CSMD1: variants seen among roughly 807,000 people sequenced by gnomAD.
CSMD1 encodes CUB and sushi domain-containing protein 1.
CSMD1 carries 213 observed loss-of-function variants against 417.5 expected under a neutral mutation model. The ratio of observed to expected loss-of-function variants is 0.51; its 90% CI spans 0.46 to 0.57. CSMD1 has a LOEUF of 0.57. CSMD1 is among the 20% of genes least tolerant of loss of function. The pLI is 0.00. For synonymous variants in CSMD1, 2,862 were observed against 1,736.8 expected, an observed-to-expected ratio of 1.65 and a Z score of -16.11; for missense variants, 6,923 against 4,529.7, an observed-to-expected ratio of 1.53 and a Z score of -15.17.
At chr8:4,181,109 C>T (rs1315872354) in intron 3 of CSMD1, among the ~76,000 whole-genome samples, 2 of 152,106 alleles carry the variant, frequency 1.3e-5, no homozygotes, top group African/African-American at 2.4e-5. Context: ...ACATGATTGA[C>T]CAGCCAATTC....
intron 3 of CSMD1, among the ~76,000 whole-genome samples, chr8:4,102,404 G>A (rs902956272): frequency 6.6e-6 from 1 of 152,152 alleles, no homozygotes; most frequent in Non-Finnish European, 1.5e-5. Flanking sequence ...TAACCCCTCT[G>A]GAGAATATTC....
chr8:4,348,389 T>C (rs543552205), intron 3 of CSMD1, among the ~76,000 whole-genome samples: 25 of 152,170 alleles, frequency 1.6e-4, no homozygotes, highest in Admixed American at 1.3e-3. Context: ...TTAAAGAACG[T>C]TGCAGGTCAC....
At chr8:3,041,621 G>A (rs986238529) in intron 50 of CSMD1, among the ~76,000 whole-genome samples, 2 of 152,196 alleles carry the variant, frequency 1.3e-5, no homozygotes, top group Admixed American at 1.3e-4. Flanking sequence ...CTGTAGAAAT[G>A]TGAATTTTAA....
At chr8:4,283,128 A>AT (rs1176750892) in intron 3 of CSMD1, among the ~76,000 whole-genome samples, 1 of 152,232 alleles carries the variant, frequency 6.6e-6, no homozygotes, top group Non-Finnish European at 1.5e-5. Context: ...GTAATCATGG[A>AT]TAAAAACACT....
At chr8:3,509,614 G>C (rs941311491) in intron 10 of CSMD1, among the ~76,000 whole-genome samples, 11 of 152,152 alleles carry the variant, frequency 7.2e-5, no homozygotes, top group Admixed American at 2.6e-4. Context: ...GGATATAACA[G>C]ATCTAATCTG....
chr8:4,660,239 C>A (rs74928983), intron 1 of CSMD1, among the ~76,000 whole-genome samples: 6,813 of 151,914 alleles, frequency 0.045, 500 homozygotes, highest in African/African-American at 0.15. Flanking sequence ...CCAAGAAATT[C>A]CCATAACCAG....
At chr8:4,026,965 G>A (rs1027256663) in intron 4 of CSMD1, among the ~76,000 whole-genome samples, 1 of 152,184 alleles carries the variant, frequency 6.6e-6, no homozygotes, top group African/African-American at 2.4e-5. Flanking sequence ...CTACTTTGCA[G>A]TGTTTGCCAA....
chr8:3,068,288 C>T (rs1813082154), intron 49 of CSMD1, among the ~76,000 whole-genome samples: 1 of 152,046 alleles, frequency 6.6e-6, no homozygotes. Flanking sequence ...ATCCCACAGG[C>T]TTCAAAGAAT....
At chr8:3,663,747 G>C (rs1350816538) in intron 7 of CSMD1, among the ~76,000 whole-genome samples, 1 of 151,992 alleles carries the variant, frequency 6.6e-6, no homozygotes, top group Non-Finnish European at 1.5e-5. Flanking sequence ...TGCCTTTCTG[G>C]ACCGAACCAA....
chr8:4,082,393 A>G (rs914983226), intron 3 of CSMD1, among the ~76,000 whole-genome samples: 2 of 152,210 alleles, frequency 1.3e-5, no homozygotes, highest in Admixed American at 6.5e-5. Context: ...AGCATTTAAA[A>G]ACAACTACAA....
chr8:4,903,012 TAA>T (rs1370298308), intron 1 of CSMD1, among the ~76,000 whole-genome samples: 4 of 4,010 alleles, frequency 1.0e-3, no homozygotes, highest in African/African-American at 2.0e-3. Context: ...ATATTAATAA[TAA>T]ATAAATAAAT....
At chr8:4,936,047 A>G (rs543511847) in intron 1 of CSMD1, among the ~76,000 whole-genome samples, 1 of 152,362 alleles carries the variant, frequency 6.6e-6, no homozygotes, top group East Asian at 1.9e-4. Context: ...TGAAGACTTA[A>G]TCAAAGAAAC....
intron 10 of CSMD1, among the ~76,000 whole-genome samples, chr8:3,547,007 T>A (rs1234028456): frequency 6.6e-6 from 1 of 152,230 alleles, no homozygotes; most frequent in African/African-American, 2.4e-5. Flanking sequence ...TCTCCCCTCC[T>A]GTCCACAGAT....
chr8:3,623,893 C>T (rs1442993850), intron 7 of CSMD1, among the ~76,000 whole-genome samples: 3 of 152,058 alleles, frequency 2.0e-5, no homozygotes, highest in African/African-American at 4.8e-5. Context: ...AGGAGAATCG[C>T]TTGAACCCGG....
At chr8:3,962,885 G>A (rs963113235) in intron 5 of CSMD1, among the ~76,000 whole-genome samples, 3 of 152,140 alleles carry the variant, frequency 2.0e-5, no homozygotes, top group African/African-American at 4.8e-5. Flanking sequence ...AACAACTGAA[G>A]CCTGTTTTTA....
chr8:4,578,366 A>T, intron 2 of CSMD1, among the ~76,000 whole-genome samples: 1 of 84,778 alleles, frequency 1.2e-5, no homozygotes, highest in East Asian at 3.4e-4. Flanking sequence ...TTTTTAGGAC[A>T]GACGGGGTTT....
intron 5 of CSMD1, among the ~76,000 whole-genome samples, chr8:3,838,016 A>T (rs117226826): frequency 0.023 from 3,500 of 152,190 alleles, 79 homozygotes; most frequent in Non-Finnish European, 0.03. Context: ...TCCCCAACTA[A>T]TTATCATAAA....
At chr8:3,993,342 G>A (rs920583609) in intron 5 of CSMD1, among the ~76,000 whole-genome samples, 35 of 152,162 alleles carry the variant, frequency 2.3e-4, no homozygotes, top group African/African-American at 8.4e-4. Context: ...TACTCAGCAT[G>A]TTCCTCTATA....
intron 3 of CSMD1, among the ~76,000 whole-genome samples, chr8:4,293,766 T>C (rs1797510877): frequency 6.6e-6 from 1 of 152,198 alleles, no homozygotes; most frequent in African/African-American, 2.4e-5. Context: ...CTTATATCAG[T>C]TTGGTACAAA....
Sources: gnomAD v4.1 joint callset for allele counts (sites outside exome capture counted in the v4.1 genomes callset) on GRCh38, gnomAD v4.1.1 for gene constraint, MANE v1.5 for transcripts, NCBI Gene and HGNC (gene_info 2026-07-23, HGNC 2026-07-21) for gene names.